The following SLC8A1 variants were observed in gnomAD, a reference collection of about 807,000 sequenced individuals.
SLC8A1 encodes the protein sodium/calcium exchanger 1.
SLC8A1 carries 18 observed loss-of-function variants against 68.3 expected under a neutral mutation model. That is an observed-to-expected ratio of 0.26 (90% confidence interval 0.18 to 0.39). The LOEUF (loss-of-function observed/expected upper bound fraction) is 0.39. SLC8A1 is among the 10% of genes least tolerant of loss of function. SLC8A1 has a pLI of 1.00. For missense variants in SLC8A1, 985 were observed against 1,156.7 expected (o/e 0.85, Z 2.15); for synonymous variants, 475 against 415.5 (o/e 1.14, Z -1.74).
At chr2:40,412,589 G>C (rs1322840805) in intron 2 of SLC8A1, among the ~76,000 whole-genome samples, 1 of 152,142 alleles carries the variant, frequency 6.6e-6, no homozygotes, top group African/African-American at 2.4e-5. Context: ...TTCCTTGCTA[G>C]AACATGCTTC....
chr2:40,471,827 C>G (rs1704006606), intron 1 of SLC8A1, among the ~76,000 whole-genome samples: 1 of 152,184 alleles, frequency 6.6e-6, no homozygotes, highest in South Asian at 2.1e-4. Context: ...TTAATAAAAA[C>G]TTTCTAAGAC....
At chr2:40,251,851 T>C (rs2062805645) in intron 2 of SLC8A1, 1 of 152,206 alleles carries the variant, frequency 6.6e-6, no homozygotes, top group Non-Finnish European at 1.5e-5. Context: ...AATGCAATTA[T>C]TTCTCCTTCA....
At chr2:40,100,969 A>G (rs180684318) in exon 8 of SLC8A1, 5 of 152,252 alleles carry the variant, frequency 3.3e-5, no homozygotes, top group Admixed American at 3.3e-4. Context: ...CTCCTTTTAC[A>G]TACTTTGAAT....
At chr2:40,319,904 A>T (rs1274600697) in intron 2 of SLC8A1, among the ~76,000 whole-genome samples, 1 of 152,146 alleles carries the variant, frequency 6.6e-6, no homozygotes, top group African/African-American at 2.4e-5. Flanking sequence ...TGTCGTTATT[A>T]AAAAGTGGCA....
At chr2:40,505,179 G>A (rs1410709340) in intron 1 of SLC8A1, among the ~76,000 whole-genome samples, 1 of 151,858 alleles carries the variant, frequency 6.6e-6, no homozygotes, top group Non-Finnish European at 1.5e-5. Context: ...AGAATAGAAG[G>A]ATGGTTACCA....
intron 2 of SLC8A1, among the ~76,000 whole-genome samples, chr2:40,229,315 C>T (rs557046766): frequency 3.4e-4 from 52 of 152,064 alleles, no homozygotes; most frequent in Middle Eastern, 3.4e-3. Flanking sequence ...AATGAAAATG[C>T]CACTGTTCAA....
chr2:40,246,308 C>T (rs933452274), intron 2 of SLC8A1, among the ~76,000 whole-genome samples: 5 of 152,198 alleles, frequency 3.3e-5, no homozygotes, highest in African/African-American at 4.8e-5. Flanking sequence ...AAACTGTGGT[C>T]CTGATTCCAC....
At chr2:40,480,670 T>G (rs1704571627) in intron 1 of SLC8A1, among the ~76,000 whole-genome samples, 1 of 152,230 alleles carries the variant, frequency 6.6e-6, no homozygotes, top group Non-Finnish European at 1.5e-5. Context: ...AATTTCTTGT[T>G]GGAGTGGAAA....
At position 40,142,919 on chromosome 2, in the gene SLC8A1, A is replaced by G. The variant is rs531623703; in HGVS notation, c.2162-3243T>C. On this transcript the variant is annotated intron_variant, in intron 6 of 7. Transcript: ENST00000406785. The stretch of plus-strand genomic sequence containing the variant: ...TTTGCCCTCTGAAATTACCTTCATG[A>G]TCAATTAATGCAAAATGTGTGTGTG... Among the ~76,000 whole-genome samples, 7 of 151,870 alleles carry G rather than the reference A, an allele frequency of 4.6e-5. No individual in the cohort carries two copies. In the East Asian group the frequency reaches 1.2e-3, roughly 25 times the overall value.
chr2:40,239,594 T>C (rs1164093195), intron 2 of SLC8A1, among the ~76,000 whole-genome samples: 2 of 152,188 alleles, frequency 1.3e-5, no homozygotes, highest in Non-Finnish European at 2.9e-5. Context: ...GTCACTGTGC[T>C]GCCTCGTGAA....
chr2:40,271,171 C>G (rs1006772288), intron 2 of SLC8A1, among the ~76,000 whole-genome samples: 1 of 108,328 alleles, frequency 9.2e-6, no homozygotes, highest in Non-Finnish European at 1.7e-5. Context: ...GACCCCCAAG[C>G]CCCCCTCATA....
At chr2:40,500,486 G>T (rs1170946943) in intron 1 of SLC8A1, among the ~76,000 whole-genome samples, 2 of 152,020 alleles carry the variant, frequency 1.3e-5, no homozygotes, top group African/African-American at 4.8e-5. Flanking sequence ...ACCCGTAGTT[G>T]CTAGTTTGTT....
Position 40,506,189 on chromosome 2 carries a change from CTG to C in SLC8A1, c.-25+6158_-25+6159del, listed in dbSNP as rs552200614. On this transcript the variant is annotated intron_variant, in intron 1 of 7. Coordinates refer to the SLC8A1 transcript ENST00000402441. ...TTCTTTTCCAACCAAATTTTGAAAACTGTGATTTAGAAGTTTACAACGTTGGT... is the reference window on the plus strand; with the variant it reads ...TTCTTTTCCAACCAAATTTTGAAAACTGATTTAGAAGTTTACAACGTTGGT... Among the ~76,000 whole-genome samples, 20 of 148,458 alleles carry C rather than the reference CTG, an allele frequency of 1.3e-4. 1 individual carries two copies. The East Asian group carries it at 4.0e-3, about 30-fold the overall frequency.
chr2:40,256,922 C>T (rs952538394), intron 2 of SLC8A1, among the ~76,000 whole-genome samples: 1 of 152,110 alleles, frequency 6.6e-6, no homozygotes, highest in African/African-American at 2.4e-5. Context: ...AATGTTGCTT[C>T]CCTTTAGAAC....
intron 1 of SLC8A1, among the ~76,000 whole-genome samples, chr2:40,501,045 G>T (rs190278228): frequency 5.3e-5 from 8 of 151,884 alleles, no homozygotes; most frequent in Admixed American, 3.9e-4. Context: ...GCTGCTTACT[G>T]TCCCTAAACA....
intron 2 of SLC8A1, among the ~76,000 whole-genome samples, chr2:40,203,343 A>C (rs147738864): frequency 6.6e-6 from 1 of 152,018 alleles, no homozygotes; most frequent in Non-Finnish European, 1.5e-5. Flanking sequence ...AAACAGCTAA[A>C]GAACTTTGTT....
intron 2 of SLC8A1, among the ~76,000 whole-genome samples, chr2:40,404,982 G>A (rs185272654): frequency 3.3e-5 from 5 of 152,198 alleles, no homozygotes; most frequent in Admixed American, 1.3e-4. Context: ...ATCCAGAAGT[G>A]GATTTATAAT....
At chr2:40,274,726 G>C (rs1465840854) in intron 2 of SLC8A1, among the ~76,000 whole-genome samples, 1 of 152,166 alleles carries the variant, frequency 6.6e-6, no homozygotes, top group East Asian at 1.9e-4. Context: ...GTAAATATAA[G>C]TGACAAGAAG....
intron 6 of SLC8A1, among the ~76,000 whole-genome samples, chr2:40,141,811 C>T (rs1278713972): frequency 6.6e-6 from 1 of 152,100 alleles, no homozygotes. Context: ...AGTTCTAACC[C>T]AATATGACTG....
Sources: allele counts gnomAD v4.1 joint callset (sites outside exome capture counted in the v4.1 genomes callset), GRCh38; gene constraint gnomAD v4.1.1; transcripts MANE v1.5; gene names NCBI Gene and HGNC (gene_info 2026-07-23, HGNC 2026-07-21).